The following GRM8 variants were observed in gnomAD, a reference collection of about 807,000 sequenced individuals.
GRM8 encodes the protein glutamate metabotropic receptor 8.
A neutral mutation model predicts 87.2 loss-of-function variants in GRM8; 47 were observed. The observed-to-expected ratio is 0.54, with a 90% confidence interval of 0.43 to 0.69. The LOEUF (loss-of-function observed/expected upper bound fraction) is 0.69, where lower values mean the gene tolerates loss of function less well. Ranked by LOEUF, GRM8 falls within the 30% of genes least tolerant of loss-of-function variation. GRM8 has a pLI of 0.00. For missense variants in GRM8, 1,019 were observed against 1,139.2 expected (o/e 0.89, Z 1.52); for synonymous variants, 396 against 404.5 (o/e 0.98, Z 0.25).
chr7:126,904,561 C>T lies in GRM8; in HGVS notation c.850G>A (p.Glu284Lys), dbSNP rs1233274840. The T allele has an allele frequency of 1.2e-6, 2 of 1,613,624 alleles. No homozygotes were observed. Among genetic ancestry groups the T allele is most frequent in the Non-Finnish European group, 1.7e-6 (2 of 1,179,700 alleles). ...AGTAATCAGCACCTGATGTCATCCTCATTGGCAAACATAATCACTGCTCGA... is the reference window on the plus strand; with the variant it reads ...AGTAATCAGCACCTGATGTCATCCTTATTGGCAAACATAATCACTGCTCGA... ...NARAVIMFAN[E>K]DDIRRILEAA... The change falls in exon 4 of 11, where the codon GAG becomes AAG. Residue 284 changes from glutamate to lysine, a missense_variant. Transcript: ENST00000339582.
At chr7:126,833,294 G>A (rs188835413) in intron 6 of GRM8, among the ~76,000 whole-genome samples, 5 of 152,284 alleles carry the variant, frequency 3.3e-5, no homozygotes, top group East Asian at 3.9e-4. Flanking sequence ...AACTATTTGC[G>A]AGAACTTATC....
At chr7:126,981,734 T>G (rs957779083) in intron 3 of GRM8, 1 of 151,988 alleles carries the variant, frequency 6.6e-6, no homozygotes, top group Non-Finnish European at 1.5e-5. Flanking sequence ...GGCCATGGAG[T>G]TCTTTGGCCT....
chr7:126,776,580 G>A (rs1273850727), intron 6 of GRM8, among the ~76,000 whole-genome samples: 1 of 152,144 alleles, frequency 6.6e-6, no homozygotes, highest in Non-Finnish European at 1.5e-5. Context: ...CAAATGTTTA[G>A]AGTAATCACA....
At chr7:127,224,570 A>G (rs1361330157) in intron 2 of GRM8, among the ~76,000 whole-genome samples, 1 of 152,202 alleles carries the variant, frequency 6.6e-6, no homozygotes, top group Admixed American at 6.5e-5. Flanking sequence ...GAAAAGATAA[A>G]AGAAAGAATG....
At chr7:127,176,750 G>A (rs1173549813) in intron 2 of GRM8, among the ~76,000 whole-genome samples, 1 of 152,218 alleles carries the variant, frequency 6.6e-6, no homozygotes, top group Non-Finnish European at 1.5e-5. Context: ...TGGAGAAGCT[G>A]AAGGTCTGTT....
At chr7:127,176,991 G>A (rs1417436285) in intron 2 of GRM8, among the ~76,000 whole-genome samples, 1 of 152,148 alleles carries the variant, frequency 6.6e-6, no homozygotes, top group Non-Finnish European at 1.5e-5. Context: ...TGAAGGGTGG[G>A]AAGCCTCCTG....
At chr7:127,049,005 C>T (rs182555988) in intron 3 of GRM8, among the ~76,000 whole-genome samples, 24 of 152,196 alleles carry the variant, frequency 1.6e-4, no homozygotes, top group African/African-American at 5.8e-4. Flanking sequence ...TACTCTAGCC[C>T]TAGGAACTAG....
intron 3 of GRM8, chr7:127,084,469 T>C (rs1586952379): frequency 6.6e-6 from 1 of 152,346 alleles, no homozygotes; most frequent in East Asian, 1.9e-4. Context: ...ACCATGTTTG[T>C]TATTATAAAT....
At chr7:126,846,310 C>A (rs1796707977) in intron 6 of GRM8, among the ~76,000 whole-genome samples, 1 of 152,114 alleles carries the variant, frequency 6.6e-6, no homozygotes, top group African/African-American at 2.4e-5. Context: ...TCAATAAAAC[C>A]AAATGTAGGA....
At position 127,252,649 on chromosome 7, in the gene GRM8, A is replaced by T. The variant is rs1798933780; in HGVS notation, c.-312+148T>A. The stretch of plus-strand genomic sequence containing the variant: ...GTCCGCTGAAAGGTTTTAGAGAAGA[A>T]AACGGAAAGGGGAATAAAACGGGGG... On this transcript the variant is annotated intron_variant, in intron 1 of 10. Coordinates refer to ENST00000339582, the MANE Select transcript of GRM8 (RefSeq NM_000845.3). The surrounding 1 kb of genome is among the most constrained non-coding windows in gnomAD (Gnocchi z 4.9). 6.5e-6 allele frequency: 1 copy of T among 153,562 alleles called. No individual in the cohort carries two copies. Among genetic ancestry groups the T allele is most frequent in the Non-Finnish European group, 1.4e-5 (1 of 69,056 alleles). 9.5% of individuals were successfully genotyped at this position (153,562 alleles called of 1,614,324 possible).
intron 9 of GRM8, among the ~76,000 whole-genome samples, chr7:126,457,348 T>C (rs996109497): frequency 1.3e-5 from 2 of 151,154 alleles, no homozygotes. Context: ...ATATAATAGA[T>C]AAAAAGAAAC....
chr7:126,737,503 T>G (rs1814369341), intron 7 of GRM8, among the ~76,000 whole-genome samples: 1 of 152,038 alleles, frequency 6.6e-6, no homozygotes, highest in African/African-American at 2.4e-5. Flanking sequence ...AATTACTCTT[T>G]AATTACTCTT....
At chr7:126,805,533 CA>C (rs1363167000) in intron 6 of GRM8, among the ~76,000 whole-genome samples, 3 of 152,076 alleles carry the variant, frequency 2.0e-5, no homozygotes, top group Non-Finnish European at 2.9e-5. Context: ...TGGTCTGCAC[CA>C]CCCACTGTTT....
chr7:126,895,305 GA>G (rs1801437442), intron 6 of GRM8, among the ~76,000 whole-genome samples: 1 of 152,010 alleles, frequency 6.6e-6, no homozygotes, highest in Non-Finnish European at 1.5e-5. Context: ...TAGCACAGTT[GA>G]ATGTTTATTT....
intron 7 of GRM8, among the ~76,000 whole-genome samples, chr7:126,702,452 T>C (rs1017934472): frequency 6.6e-6 from 1 of 152,198 alleles, no homozygotes; most frequent in Non-Finnish European, 1.5e-5. Flanking sequence ...CAACCAGATA[T>C]ACTCATGCGA....
At chr7:127,219,042 C>T (rs1191020166) in intron 2 of GRM8, among the ~76,000 whole-genome samples, 1 of 152,200 alleles carries the variant, frequency 6.6e-6, no homozygotes, top group Non-Finnish European at 1.5e-5. Context: ...TCTCATTATG[C>T]CAAGAACTGC....
At chr7:126,869,285 C>A (rs1316898148) in intron 6 of GRM8, 1 of 152,188 alleles carries the variant, frequency 6.6e-6, no homozygotes, top group Non-Finnish European at 1.5e-5. Flanking sequence ...AAATCTTGAA[C>A]CCCTCAAAGA....
At chr7:126,790,013 C>CTT (rs566817323) in intron 6 of GRM8, among the ~76,000 whole-genome samples, 6,824 of 146,122 alleles carry the variant, frequency 0.047, 511 homozygotes, top group African/African-American at 0.16. Context: ...TTCTCTCTCT[C>CTT]TTTTTTTTTT....
At chr7:126,811,783 A>T (rs1192245722) in intron 6 of GRM8, among the ~76,000 whole-genome samples, 1 of 151,974 alleles carries the variant, frequency 6.6e-6, no homozygotes, top group East Asian at 1.9e-4. Context: ...GGTTTTCTAG[A>T]TGTAAGATTA....
Sources: allele counts gnomAD v4.1 joint callset (sites outside exome capture counted in the v4.1 genomes callset), GRCh38; gene constraint gnomAD v4.1.1; non-coding constraint Gnocchi (gnomAD v3.1); transcripts MANE v1.5; gene names NCBI Gene and HGNC (gene_info 2026-07-23, HGNC 2026-07-21).